The following DOCK1 variants were observed in gnomAD, a reference collection of about 807,000 sequenced individuals.
The protein encoded by DOCK1 is dedicator of cytokinesis 1, also known as dedicator of cytokinesis protein 1.
Under a neutral mutation model 262.7 loss-of-function variants are expected in DOCK1, and 138 were observed. The ratio of observed to expected loss-of-function variants is 0.53; its 90% CI spans 0.46 to 0.61. DOCK1 has a LOEUF of 0.61. Ranked by LOEUF, DOCK1 falls within the 20% of genes least tolerant of loss-of-function variation. The pLI, the probability that DOCK1 is intolerant of heterozygous loss-of-function variation, is 0.00. For missense variants in DOCK1, 1,908 were observed against 2,370.7 expected, an observed-to-expected ratio of 0.80 and a Z score of 4.05; for synonymous variants, 866 against 867.4, an observed-to-expected ratio of 1.00 and a Z score of 0.03.
chr10:127,191,149 C>G (rs899581779), intron 27 of DOCK1, among the ~76,000 whole-genome samples: 4 of 152,108 alleles, frequency 2.6e-5, no homozygotes, highest in Non-Finnish European at 5.9e-5. Context: ...CTGCTGGGCT[C>G]AGGAGTGCAA....
chr10:127,019,221 C>A (rs953787592), intron 13 of DOCK1, among the ~76,000 whole-genome samples: 2 of 152,188 alleles, frequency 1.3e-5, no homozygotes, highest in East Asian at 3.9e-4. Flanking sequence ...CCTGTGCCTG[C>A]GCCCGCTCAG....
At chr10:127,131,642 C>T (rs2050332909) in intron 27 of DOCK1, among the ~76,000 whole-genome samples, 1 of 148,974 alleles carries the variant, frequency 6.7e-6, no homozygotes. Context: ...CAATTTGCAT[C>T]AAATGTAGAT....
chr10:126,994,412 A>G (rs1438156546), intron 6 of DOCK1, among the ~76,000 whole-genome samples: 1 of 152,176 alleles, frequency 6.6e-6, no homozygotes, highest in Non-Finnish European at 1.5e-5. Flanking sequence ...AGGGAAGGTC[A>G]GCAGATAAAC....
At chr10:127,112,394 T>C (rs2483857) in intron 25 of DOCK1, among the ~76,000 whole-genome samples, 109,014 of 152,158 alleles carry the variant, frequency 0.72, 42,892 homozygotes, top group South Asian at 0.89. Flanking sequence ...TTATATTCGA[T>C]GATTTTGTTA....
At chr10:126,924,499 G>C (rs2033521987) in intron 1 of DOCK1, among the ~76,000 whole-genome samples, 1 of 151,964 alleles carries the variant, frequency 6.6e-6, no homozygotes, top group Admixed American at 6.6e-5. Flanking sequence ...GTGAGTGCTG[G>C]AACTGTCTCT....
rs1313661034 is a variant in DOCK1, at chr10:127,257,390, A to G, written c.3005A>G (p.Tyr1002Cys). ...MFKNLIGKNV[Y>C]PFDWVIMNMV... The stretch of plus-strand genomic sequence containing the variant: ...AAGAACCTCATTGGAAAGAACGTTT[A>G]CCCCTTCGACTGGGTGATCATGAAC... Residue 1002 changes from tyrosine (Y) to cysteine (C), a missense_variant, in exon 29 of 52, where the codon TAC (tyrosine) becomes TGC (cysteine). This residue lies in a region of DOCK1 where 518 missense variants were observed against 575.1 expected (regional missense o/e 0.90). Coordinates refer to ENST00000623213, the MANE Select transcript of DOCK1 (RefSeq NM_001290223.2). 1.2e-6 allele frequency: 2 copies of G among 1,607,442 alleles called. No individual in the cohort carries two copies. The highest frequency in any genetic ancestry group is 1.7e-6 in the Non-Finnish European group (2 of 1,176,526).
Position 127,451,704 on chromosome 10 carries a change from T to A in DOCK1, c.*277T>A. On this transcript the variant is annotated 3_prime_UTR_variant, in exon 52 of 52. Transcript: ENST00000623213. ...GAGTGTGTCTGGCTCTGAGAGAGTC[T>A]GAGTCTTGCCCAAACATTCTTTCTT... 1 of 538,530 alleles carries A rather than the reference T, an allele frequency of 1.9e-6. No homozygotes were observed. The highest frequency in any genetic ancestry group is 3.0e-6 in the Non-Finnish European group (1 of 330,924). 33.4% of individuals were successfully genotyped at this position (538,530 alleles called of 1,614,324 possible).
chr10:127,241,057 C>T lies in DOCK1; in HGVS notation c.2848-6951C>T, dbSNP rs187215504. ...ATAGTTCTTTGGCTGGGCGCGGTGGCTCACGCCTGTAATCCCAATGCTCTG... is the reference window on the plus strand; with the variant it reads ...ATAGTTCTTTGGCTGGGCGCGGTGGTTCACGCCTGTAATCCCAATGCTCTG... On this transcript the variant is annotated intron_variant, in intron 27 of 51. Transcript: ENST00000623213. 2.5e-4 allele frequency among the ~76,000 whole-genome samples: 38 copies of T among 152,296 alleles called. No homozygotes were observed. The East Asian group carries it at 6.6e-3, about 26-fold the overall frequency.
At chr10:127,180,408 AT>A (rs1471093933) in intron 27 of DOCK1, among the ~76,000 whole-genome samples, 1 of 152,052 alleles carries the variant, frequency 6.6e-6, no homozygotes, top group African/African-American at 2.4e-5. Context: ...CATAAAGTTT[AT>A]TTTTCGTAAG....
At chr10:127,057,598 C>T (rs571595176) in intron 22 of DOCK1, among the ~76,000 whole-genome samples, 1 of 152,344 alleles carries the variant, frequency 6.6e-6, no homozygotes, top group South Asian at 2.1e-4. Flanking sequence ...CTGAAAGATT[C>T]CTGACAGCCG....
intron 7 of DOCK1, 122 bp downstream of exon 7, chr10:126,997,005 A>G (rs969368872): frequency 1.0e-5 from 12 of 1,157,028 alleles, no homozygotes; most frequent in Non-Finnish European, 1.4e-5. Flanking sequence ...GTAGCTGCAG[A>G]GTTTGTGTCC....
At chr10:126,945,801 G>A (rs1243402503) in intron 1 of DOCK1, among the ~76,000 whole-genome samples, 3 of 152,190 alleles carry the variant, frequency 2.0e-5, no homozygotes, top group African/African-American at 4.8e-5. Flanking sequence ...CAGTTTCTTC[G>A]AAGTTTCTGG....
At chr10:127,267,756 C>G (rs1260886454) in intron 29 of DOCK1, among the ~76,000 whole-genome samples, 1 of 152,188 alleles carries the variant, frequency 6.6e-6, no homozygotes, top group East Asian at 1.9e-4. Context: ...TCTCTCCGCA[C>G]AAAGCAAAAT....
Position 127,175,554 on chromosome 10 carries a change from A to C in DOCK1, c.2847+47790A>C, listed in dbSNP as rs547642648. Reference sequence around the variant, plus strand: ...CCTCCGCTCGTCATCTGCCGGGCAGAGTGACCACTGGCTGGCGGCTGCAGA... The same window carrying C: ...CCTCCGCTCGTCATCTGCCGGGCAGCGTGACCACTGGCTGGCGGCTGCAGA... On this transcript the variant is annotated intron_variant, in intron 27 of 51. Transcript: ENST00000623213. This position sits in a 1 kb window ranked among gnomAD's most constrained non-coding sequence, Gnocchi z 6.3. 6.6e-5 allele frequency: 106 copies of C among 1,611,804 alleles called. 3 individuals carry two copies. The South Asian group carries it at 1.1e-3, about 17-fold the overall frequency.
Position 127,176,230 on chromosome 10 carries a change from G to T in DOCK1, c.2847+48466G>T. 2 of 1,614,126 alleles carry T rather than the reference G, an allele frequency of 1.2e-6. No homozygotes were observed. Among genetic ancestry groups the T allele is most frequent in the Non-Finnish European group, 1.7e-6 (2 of 1,180,024 alleles). ...AGCTGTGTGTCCCTCTGCTCATTCTGTGCCTCGCAGATATCCTTAAACCGC... is the reference window on the plus strand; with the variant it reads ...AGCTGTGTGTCCCTCTGCTCATTCTTTGCCTCGCAGATATCCTTAAACCGC... On this transcript the variant is annotated intron_variant, in intron 27 of 51. Coordinates refer to ENST00000623213, the MANE Select transcript of DOCK1 (RefSeq NM_001290223.2). The surrounding 1 kb of genome is among the most constrained non-coding windows in gnomAD (Gnocchi z 4.4).
intron 1 of DOCK1, among the ~76,000 whole-genome samples, chr10:126,942,282 C>T (rs893176653): frequency 1.3e-5 from 2 of 152,300 alleles, no homozygotes; most frequent in South Asian, 2.1e-4. Context: ...CTCGGCCTCC[C>T]GAAGTGCTGG....
chr10:127,302,928 T>C (rs2061739756), intron 29 of DOCK1, among the ~76,000 whole-genome samples: 1 of 152,156 alleles, frequency 6.6e-6, no homozygotes, highest in South Asian at 2.1e-4. Flanking sequence ...TTCTTTGAAT[T>C]TTTGGCTCTT....
chr10:127,050,108 T>C (rs1236020569), intron 21 of DOCK1, among the ~76,000 whole-genome samples: 2 of 151,770 alleles, frequency 1.3e-5, no homozygotes, highest in African/African-American at 4.8e-5. Flanking sequence ...TTGCATTGTT[T>C]ATGTATTTTT....
At chr10:127,157,715 G>A (rs1292216288) in intron 27 of DOCK1, among the ~76,000 whole-genome samples, 1 of 152,174 alleles carries the variant, frequency 6.6e-6, no homozygotes, top group Non-Finnish European at 1.5e-5. Flanking sequence ...CTAAATATAT[G>A]TATGTTTCTC....
Sources: allele counts gnomAD v4.1 joint callset (sites outside exome capture counted in the v4.1 genomes callset), GRCh38; gene constraint gnomAD v4.1.1; regional missense constraint gnomAD v4.1.1; non-coding constraint Gnocchi (gnomAD v3.1); transcripts MANE v1.5; gene names NCBI Gene and HGNC (gene_info 2026-07-23, HGNC 2026-07-21).